The following CLASP1 variants were observed in gnomAD, a reference collection of about 807,000 sequenced individuals.
CLASP1 encodes the protein cytoplasmic linker associated protein 1, also known as CLIP-associating protein 1.
Under a neutral mutation model 192.3 loss-of-function variants are expected in CLASP1, and 38 were observed. The ratio of observed to expected loss-of-function variants is 0.20; its 90% CI spans 0.15 to 0.26. The LOEUF is 0.26. CLASP1 is among the 10% of genes least tolerant of loss of function. CLASP1 has a pLI of 1.00. For missense variants in CLASP1, 1,433 were observed against 1,932.5 expected (o/e 0.74, Z 4.85); for synonymous variants, 691 against 712.8 (o/e 0.97, Z 0.49).
chr2:121,594,227 G>A (rs531460042), intron 2 of CLASP1, among the ~76,000 whole-genome samples: 1 of 150,556 alleles, frequency 6.6e-6, no homozygotes, highest in African/African-American at 2.4e-5. Flanking sequence ...GTGAACCCGG[G>A]AGGCGGAGCT....
chr2:121,418,480 G>A (rs1432874722), intron 23 of CLASP1, 142 bp downstream of exon 23: 3 of 642,310 alleles, frequency 4.7e-6, no homozygotes, highest in Non-Finnish European at 8.2e-6. Flanking sequence ...GGGGGACAAG[G>A]GGTAACTAAG....
chr2:121,646,589 CA>C (rs1377090553), intron 1 of CLASP1, among the ~76,000 whole-genome samples: 2 of 151,956 alleles, frequency 1.3e-5, no homozygotes, highest in Admixed American at 6.6e-5. Context: ...AACAGTACTA[CA>C]AAATAAAAAT....
Position 121,489,638 on chromosome 2 carries a change from A to G in CLASP1, c.712+13529T>C, listed in dbSNP as rs763261524. The stretch of plus-strand genomic sequence containing the variant: ...TAAATGCAAACCCTGTTTACACAGA[A>G]TCTTTTAAAATCACTTCGATATTGG... On this transcript the variant is annotated intron_variant, in intron 8 of 39. Coordinates refer to ENST00000263710, the Ensembl canonical transcript of CLASP1. 6.6e-5 allele frequency among the ~76,000 whole-genome samples: 10 copies of G among 152,234 alleles called. No individual in the cohort carries two copies. In the East Asian group the frequency reaches 1.9e-3, roughly 29 times the overall value.
rs79645331 is a variant in CLASP1, at chr2:121,577,198, A to G, written c.195+28503T>C. ...GATGAGTATGGAGGTTCATTGTTTC[A>G]TTTTCTTTACTCTTACGTATCTTTA... On this transcript the variant is annotated intron_variant, in intron 2 of 39. Transcript: ENST00000263710. Among the ~76,000 whole-genome samples the G allele has an allele frequency of 3.8e-4, 58 of 151,328 alleles. No individual in the cohort carries two copies. In the East Asian group the frequency reaches 0.011, roughly 29 times the overall value.
At chr2:121,562,412 C>T (rs2059169128) in intron 2 of CLASP1, among the ~76,000 whole-genome samples, 1 of 152,208 alleles carries the variant, frequency 6.6e-6, no homozygotes, top group South Asian at 2.1e-4. Context: ...CCTCCCCATT[C>T]CATCTCTCAT....
chr2:121,558,877 G>A (rs1410269491), intron 2 of CLASP1, among the ~76,000 whole-genome samples: 3 of 152,166 alleles, frequency 2.0e-5, no homozygotes, highest in Admixed American at 2.0e-4. Context: ...TTCTCTCATG[G>A]TTCTGTTCAG....
chr2:121,402,353 G>A (rs532895816), intron 26 of CLASP1, among the ~76,000 whole-genome samples: 3 of 152,302 alleles, frequency 2.0e-5, no homozygotes, highest in African/African-American at 7.2e-5. Flanking sequence ...AGTGCACAGT[G>A]GAATATCTCT....
At chr2:121,496,752 G>A (rs1167025829) in intron 8 of CLASP1, among the ~76,000 whole-genome samples, 1 of 152,188 alleles carries the variant, frequency 6.6e-6, no homozygotes, top group East Asian at 1.9e-4. Flanking sequence ...ATGTAAACCT[G>A]CAAACATGAC....
At chr2:121,497,355 A>C (rs1336658855) in intron 8 of CLASP1, among the ~76,000 whole-genome samples, 1 of 152,198 alleles carries the variant, frequency 6.6e-6, no homozygotes, top group Non-Finnish European at 1.5e-5. Context: ...GGGTGGAGCA[A>C]TATTTATTGT....
intron 3 of CLASP1, 86 bp from the exon 4 acceptor site, chr2:121,528,866 A>G (rs934760): frequency 0.12 from 116,739 of 996,152 alleles, 13,469 homozygotes; most frequent in African/African-American, 0.53. Context: ...TTATGTGGGA[A>G]GACAAACCCC....
Position 121,606,051 on chromosome 2 carries a change from T to G in CLASP1, c.-156A>C. On this transcript the variant is annotated 5_prime_UTR_variant, in exon 2 of 40. It removes an upstream start codon present in the reference 5' UTR. Transcript: ENST00000263710. ...TCTGGGGAATGGCAACAATGCACCA[T>G]GTGTGTCTGAAGAGCAGCTGGTAGG... The G allele has an allele frequency of 1.6e-6, 1 of 626,172 alleles. No homozygotes were observed. The allele number at this position is 626,172 out of a possible 1,614,324, so 38.8% of individuals were successfully genotyped here.
chr2:121,478,740 C>A (rs2092051627), intron 8 of CLASP1, among the ~76,000 whole-genome samples: 1 of 89,892 alleles, frequency 1.1e-5, no homozygotes, highest in East Asian at 3.6e-4. Context: ...CACACACACA[C>A]CCCACACACA....
intron 11 of CLASP1, 71 bp from the exon 12 acceptor site, chr2:121,460,196 C>A: frequency 1.6e-6 from 2 of 1,233,442 alleles, no homozygotes; most frequent in South Asian, 3.3e-5. Context: ...CAAAAGAAGT[C>A]ATCAAATACA....
At chr2:121,503,531 C>T (rs1030459569) in intron 7 of CLASP1, among the ~76,000 whole-genome samples, 1 of 152,090 alleles carries the variant, frequency 6.6e-6, no homozygotes, top group African/African-American at 2.4e-5. Context: ...ATCCAGAGCC[C>T]CTGCTCTCTG....
intron 7 of CLASP1, among the ~76,000 whole-genome samples, chr2:121,514,699 G>A (rs1341628564): frequency 6.6e-6 from 1 of 152,160 alleles, no homozygotes; most frequent in Non-Finnish European, 1.5e-5. Context: ...AGGGTCTGGG[G>A]CCCACTGCCG....
intron 4 of CLASP1, 56 bp from the exon 5 acceptor site, chr2:121,527,946 T>C: frequency 7.1e-7 from 1 of 1,408,268 alleles, no homozygotes; most frequent in Non-Finnish European, 1.0e-6. Flanking sequence ...GCTGACACTT[T>C]ATAAGGGAGC....
chr2:121,544,919 T>A (rs1489252781), intron 2 of CLASP1, among the ~76,000 whole-genome samples: 1 of 150,790 alleles, frequency 6.6e-6, no homozygotes, highest in Non-Finnish European at 1.5e-5. Context: ...TTTTTTTTTT[T>A]TTTTATTTTT....
chr2:121,512,349 G>C (rs938024175), intron 7 of CLASP1, among the ~76,000 whole-genome samples: 9 of 152,168 alleles, frequency 5.9e-5, no homozygotes, highest in African/African-American at 2.2e-4. Context: ...AAGTAACAAA[G>C]AGTTAACATT....
intron 20 of CLASP1, among the ~76,000 whole-genome samples, chr2:121,427,926 T>C (rs2080724971): frequency 6.6e-6 from 1 of 152,238 alleles, no homozygotes; most frequent in Non-Finnish European, 1.5e-5. Context: ...ATCAGGACTA[T>C]GAATACTAGT....
Sources: allele counts gnomAD v4.1 joint callset (sites outside exome capture counted in the v4.1 genomes callset), GRCh38; gene constraint gnomAD v4.1.1; transcripts MANE v1.5; gene names NCBI Gene and HGNC (gene_info 2026-07-23, HGNC 2026-07-21).